Variants in ARSJ observed in about 807,000 individuals in gnomAD.
The protein encoded by ARSJ is arylsulfatase J.
ARSJ carries 26 observed loss-of-function variants against 35.9 expected under a neutral mutation model. The observed-to-expected ratio is 0.72, with a 90% confidence interval of 0.53 to 1.00. The LOEUF (loss-of-function observed/expected upper bound fraction) is 1.00, where lower values mean the gene tolerates loss of function less well. ARSJ is among the 50% of genes least tolerant of loss of function. The probability of loss-of-function intolerance (pLI) is 0.00; values close to 1 mark genes in which losing one functional copy is unlikely to be tolerated. For missense variants in ARSJ, 667 were observed against 723.6 expected, an observed-to-expected ratio of 0.92 and a Z score of 0.90; for synonymous variants, 294 against 267.6, an observed-to-expected ratio of 1.10 and a Z score of -0.96.
rs567483338 is a variant in ARSJ, at chr4:113,965,857, T to G, written c.398+12580A>C. On this transcript the variant is annotated intron_variant, in intron 1 of 1. Transcript: ENST00000315366. ...TATTTTAAAAATATCTAAACCAAAT[T>G]AAATTTTAATTTGAGTCTGAATCAC... Among the ~76,000 whole-genome samples, 55 of 152,144 alleles carry G rather than the reference T, an allele frequency of 3.6e-4. 1 individual carries two copies. The East Asian group carries it at 0.01, about 29-fold the overall frequency.
chr4:113,908,447 A>G (rs1371977343), intron 1 of ARSJ, among the ~76,000 whole-genome samples: 1 of 152,250 alleles, frequency 6.6e-6, no homozygotes, highest in Non-Finnish European at 1.5e-5. Context: ...TGGGATAAAT[A>G]AAAGATATTT....
intron 1 of ARSJ, among the ~76,000 whole-genome samples, chr4:113,930,625 C>A (rs1318335187): frequency 6.6e-6 from 1 of 152,028 alleles, no homozygotes; most frequent in Non-Finnish European, 1.5e-5. Flanking sequence ...TAACTTAATT[C>A]TAAAATTTTG....
intron 1 of ARSJ, among the ~76,000 whole-genome samples, chr4:113,930,109 C>G (rs1017358158): frequency 3.9e-5 from 6 of 152,062 alleles, no homozygotes; most frequent in African/African-American, 1.4e-4. Context: ...CCTCTAGAAC[C>G]ATCCCTGGTA....
chr4:113,977,499 A>G (rs1727660006), intron 1 of ARSJ, among the ~76,000 whole-genome samples: 2 of 152,232 alleles, frequency 1.3e-5, no homozygotes, highest in Non-Finnish European at 2.9e-5. Context: ...CTGTCCTGCA[A>G]CTGAAATCAC....
chr4:113,952,061 C>A (rs1725894688), intron 1 of ARSJ, among the ~76,000 whole-genome samples: 1 of 151,962 alleles, frequency 6.6e-6, no homozygotes, highest in South Asian at 2.1e-4. Flanking sequence ...ATTTACTTTT[C>A]TTTTTCATTT....
At chr4:113,953,135 C>G (rs930272405) in intron 1 of ARSJ, among the ~76,000 whole-genome samples, 13 of 152,012 alleles carry the variant, frequency 8.6e-5, no homozygotes, top group African/African-American at 2.9e-4. Context: ...ACTGGGATCT[C>G]AACAGAGATT....
At chr4:113,959,900 A>G (rs1436615096) in intron 1 of ARSJ, among the ~76,000 whole-genome samples, 8 of 152,006 alleles carry the variant, frequency 5.3e-5, no homozygotes, top group South Asian at 4.1e-4. Flanking sequence ...CAGCCACCCA[A>G]TAGATTTTTT....
At chr4:113,923,770 G>A (rs1001793845) in intron 1 of ARSJ, among the ~76,000 whole-genome samples, 2 of 151,672 alleles carry the variant, frequency 1.3e-5, no homozygotes, top group African/African-American at 4.8e-5. Flanking sequence ...AGCCATATGT[G>A]ACTAGTGGGT....
chr4:113,918,681 GA>G (rs1382673816), intron 1 of ARSJ, among the ~76,000 whole-genome samples: 43 of 152,082 alleles, frequency 2.8e-4, no homozygotes, highest in Admixed American at 2.0e-3. Flanking sequence ...TTATAAAACC[GA>G]AATAACAAAT....
intron 1 of ARSJ, among the ~76,000 whole-genome samples, chr4:113,930,583 A>G (rs1264388599): frequency 6.6e-6 from 1 of 152,176 alleles, no homozygotes; most frequent in Non-Finnish European, 1.5e-5. Flanking sequence ...AAATTATTAT[A>G]GCACCCAGTT....
rs541833907 is a variant in ARSJ, at chr4:113,934,805, A to G, written c.399-31130T>C. 5.9e-5 allele frequency among the ~76,000 whole-genome samples: 9 copies of G among 151,924 alleles called. No individual in the cohort carries two copies. In the East Asian group the frequency reaches 1.7e-3, roughly 30 times the overall value. ...TGTCACATGTAGTCTGAAAATATGTATGTCTACTAGGTATCAACAAAAAAA... is the reference window on the plus strand; with the variant it reads ...TGTCACATGTAGTCTGAAAATATGTGTGTCTACTAGGTATCAACAAAAAAA... On this transcript the variant is annotated intron_variant, in intron 1 of 1. Transcript: ENST00000315366.
intron 1 of ARSJ, among the ~76,000 whole-genome samples, chr4:113,954,323 C>CA (rs1460872982): frequency 2.0e-5 from 3 of 151,704 alleles, no homozygotes; most frequent in Admixed American, 2.0e-4. Flanking sequence ...TTCTCTGATC[C>CA]AAAAAAAGTA....
chr4:113,936,288 C>T (rs1724762325), intron 1 of ARSJ, among the ~76,000 whole-genome samples: 1 of 151,808 alleles, frequency 6.6e-6, no homozygotes, highest in Non-Finnish European at 1.5e-5. Flanking sequence ...AGACTCATCA[C>T]TGATAAGTGA....
chr4:113,969,426 TA>T (rs1427667841), intron 1 of ARSJ, among the ~76,000 whole-genome samples: 2 of 152,154 alleles, frequency 1.3e-5, no homozygotes, highest in Non-Finnish European at 2.9e-5. Flanking sequence ...CAGAAAGCTT[TA>T]AAAAGAATAA....
intron 1 of ARSJ, among the ~76,000 whole-genome samples, chr4:113,930,303 C>G (rs991917200): frequency 6.6e-6 from 1 of 152,098 alleles, no homozygotes; most frequent in Non-Finnish European, 1.5e-5. Flanking sequence ...GCACAGGAAG[C>G]ATGCATCATG....
rs1388038897 is a variant in ARSJ, at chr4:113,908,040, T to C, written c.399-4365A>G. Among the ~76,000 whole-genome samples the C allele has an allele frequency of 3.3e-5, 5 of 152,260 alleles. No homozygotes were observed. In the East Asian group the frequency reaches 7.7e-4, roughly 23 times the overall value. Reference sequence around the variant, plus strand: ...ATCTGTACACCAAACCTCCGTGACATGCAATTTATCCATGTAACAAAACTG... The same window carrying C: ...ATCTGTACACCAAACCTCCGTGACACGCAATTTATCCATGTAACAAAACTG... On this transcript the variant is annotated intron_variant, in intron 1 of 1. Transcript: ENST00000315366.
At chr4:113,944,286 T>A (rs1351699256) in intron 1 of ARSJ, 2 of 152,056 alleles carry the variant, frequency 1.3e-5, no homozygotes, top group Admixed American at 6.6e-5. Flanking sequence ...GGATGACATG[T>A]AGGACTCCTG....
intron 1 of ARSJ, among the ~76,000 whole-genome samples, chr4:113,971,191 T>C (rs1390738706): frequency 2.0e-5 from 3 of 152,106 alleles, no homozygotes; most frequent in Admixed American, 2.0e-4. Flanking sequence ...AATTTTAGAA[T>C]ATTGCTATAA....
At position 113,902,825 on chromosome 4, in the gene ARSJ, C is replaced by G. The variant is rs1411204745; in HGVS notation, c.1249G>C (p.Asp417His). Residue 417 changes from aspartate (D) to histidine (H), a missense_variant, in exon 2 of 2, where the codon GAT (aspartate) becomes CAT (histidine). Physicochemically the swap from Asp to His is moderately conservative, Grantham distance 81 (BLOSUM62 -1). Coordinates refer to ENST00000315366, the MANE Select transcript of ARSJ (RefSeq NM_024590.4). ...ISEGLRSPRV[D>H]ILHNIDPIYT... The stretch of plus-strand genomic sequence containing the variant: ...ATGGGGTCAATGTTATGCAAAATAT[C>G]TACTCGGGGTGAGCGAAGACCCTCA... The G allele has an allele frequency of 1.9e-6, 3 of 1,614,132 alleles. No homozygotes were observed. The highest frequency in any genetic ancestry group is 2.5e-6 in the Non-Finnish European group (3 of 1,180,028).
Sources: allele counts gnomAD v4.1 joint callset (sites outside exome capture counted in the v4.1 genomes callset), GRCh38; gene constraint gnomAD v4.1.1; transcripts MANE v1.5; gene names NCBI Gene and HGNC (gene_info 2026-07-23, HGNC 2026-07-21).